BMPER: variants seen among roughly 807,000 people sequenced by gnomAD.
The protein encoded by BMPER is BMP binding endothelial regulator, also known as BMP-binding endothelial regulator protein.
In BMPER, 45 loss-of-function variants were observed where a neutral mutation model predicts 87.3. The ratio of observed to expected loss-of-function variants is 0.52; its 90% CI spans 0.41 to 0.66. The LOEUF (loss-of-function observed/expected upper bound fraction) is 0.66. Among genes scored for constraint, BMPER ranks in the 30% least tolerant of loss-of-function variants. The pLI, the probability that BMPER is intolerant of heterozygous loss-of-function variation, is 0.00. For synonymous variants in BMPER, 326 were observed against 316.2 expected, an observed-to-expected ratio of 1.03 and a Z score of -0.33; for missense variants, 784 against 867.5, an observed-to-expected ratio of 0.90 and a Z score of 1.21.
chr7:33,954,727 G>A (rs565360833), intron 3 of BMPER, among the ~76,000 whole-genome samples: 1 of 152,284 alleles, frequency 6.6e-6, no homozygotes, highest in African/African-American at 2.4e-5. Flanking sequence ...TTCCACTACA[G>A]CTCCCATGAG....
intron 6 of BMPER, among the ~76,000 whole-genome samples, chr7:34,009,866 T>C (rs1325515592): frequency 3.9e-5 from 6 of 151,956 alleles, no homozygotes; most frequent in Admixed American, 2.6e-4. Context: ...TGTGATTCTG[T>C]GTTGACTAGC....
intron 6 of BMPER, among the ~76,000 whole-genome samples, chr7:34,008,489 GT>G (rs1219979997): frequency 6.6e-6 from 1 of 150,906 alleles, no homozygotes; most frequent in East Asian, 2.0e-4. Context: ...TATTTTGATG[GT>G]TTTACATTAA....
intron 6 of BMPER, among the ~76,000 whole-genome samples, chr7:34,039,758 GT>G (rs1489443317): frequency 1.3e-5 from 2 of 151,990 alleles, no homozygotes; most frequent in Non-Finnish European, 2.9e-5. Context: ...CTCTGTTAAT[GT>G]TTTTAAAGTA....
At chr7:34,092,002 AC>A (rs1734580009) in intron 13 of BMPER, among the ~76,000 whole-genome samples, 1 of 151,992 alleles carries the variant, frequency 6.6e-6, no homozygotes, top group South Asian at 2.1e-4. Context: ...ACCCAGCACC[AC>A]CCATAGAAGG....
chr7:33,979,096 T>C (rs754052582), intron 6 of BMPER, among the ~76,000 whole-genome samples: 163 of 152,232 alleles, frequency 1.1e-3, no homozygotes, highest in Non-Finnish European at 5.3e-4. Flanking sequence ...TGCATAAGTG[T>C]CCATATATAT....
intron 6 of BMPER, among the ~76,000 whole-genome samples, chr7:34,000,576 C>T (rs1456192789): frequency 2.0e-5 from 3 of 152,064 alleles, no homozygotes; most frequent in African/African-American, 7.2e-5. Flanking sequence ...GTCTCTCTCT[C>T]TTCCTCTCTT....
chr7:34,029,946 C>T (rs1391430583), intron 6 of BMPER, among the ~76,000 whole-genome samples: 2 of 151,866 alleles, frequency 1.3e-5, no homozygotes, highest in African/African-American at 4.8e-5. Context: ...GGTAGGGTGA[C>T]CTGGTTTATA....
chr7:34,094,901 TC>T (rs1316019114), intron 13 of BMPER, among the ~76,000 whole-genome samples: 1 of 152,222 alleles, frequency 6.6e-6, no homozygotes, highest in Non-Finnish European at 1.5e-5. Context: ...CTTCAGAACG[TC>T]CTATGCCATC....
chr7:33,936,852 T>C (rs368180205), intron 2 of BMPER, among the ~76,000 whole-genome samples: 61 of 152,350 alleles, frequency 4.0e-4, no homozygotes, highest in Middle Eastern at 6.8e-3. Context: ...TTTAATGCAC[T>C]CTACTATTAA....
intron 3 of BMPER, among the ~76,000 whole-genome samples, chr7:33,945,157 C>T (rs58260488): frequency 6.6e-6 from 1 of 151,292 alleles, no homozygotes; most frequent in East Asian, 2.0e-4. Flanking sequence ...TAGCCAGGAT[C>T]GTCTCGATCT....
intron 13 of BMPER, among the ~76,000 whole-genome samples, chr7:34,094,304 C>T (rs903464784): frequency 2.0e-5 from 3 of 152,172 alleles, no homozygotes; most frequent in Non-Finnish European, 2.9e-5. Flanking sequence ...GGGCAGACAG[C>T]TATGCATGAG....
intron 13 of BMPER, among the ~76,000 whole-genome samples, chr7:34,138,777 G>A (rs1338781873): frequency 6.6e-6 from 1 of 152,186 alleles, no homozygotes; most frequent in Non-Finnish European, 1.5e-5. Flanking sequence ...AATGCAACCT[G>A]TGTTTTCCCA....
intron 6 of BMPER, among the ~76,000 whole-genome samples, chr7:33,979,113 A>G (rs1785771758): frequency 1.3e-5 from 2 of 152,150 alleles, no homozygotes; most frequent in Non-Finnish European, 2.9e-5. Flanking sequence ...ATATGCACGT[A>G]AACATCTATA....
chr7:33,956,527 G>GT (rs1168405373), intron 3 of BMPER, among the ~76,000 whole-genome samples: 2 of 151,942 alleles, frequency 1.3e-5, no homozygotes, highest in Non-Finnish European at 2.9e-5. Context: ...TTCAATAAAA[G>GT]TTATACCCAA....
chr7:34,002,480 G>A (rs1447896168), intron 6 of BMPER, among the ~76,000 whole-genome samples: 1 of 151,664 alleles, frequency 6.6e-6, no homozygotes, highest in South Asian at 2.1e-4. Context: ...ACTTATGATT[G>A]CTTTAGTGGG....
intron 6 of BMPER, among the ~76,000 whole-genome samples, chr7:34,040,454 A>G (rs1401187259): frequency 1.3e-5 from 2 of 152,178 alleles, no homozygotes; most frequent in Non-Finnish European, 2.9e-5. Context: ...CGACTGAGAC[A>G]TAGTTGCAGC....
intron 13 of BMPER, among the ~76,000 whole-genome samples, chr7:34,089,449 G>C: frequency 6.6e-6 from 1 of 151,930 alleles, no homozygotes; most frequent in East Asian, 1.9e-4. Flanking sequence ...TCTGAATTAG[G>C]TTTTACTTTT....
At chr7:33,975,754 G>A (rs1392387496) in intron 6 of BMPER, among the ~76,000 whole-genome samples, 1 of 152,156 alleles carries the variant, frequency 6.6e-6, no homozygotes, top group Non-Finnish European at 1.5e-5. Flanking sequence ...GGGAACTCTA[G>A]CATGCTAATT....
At chr7:33,966,277 T>C (rs1562657007) in intron 3 of BMPER, among the ~76,000 whole-genome samples, 1 of 152,198 alleles carries the variant, frequency 6.6e-6, no homozygotes, top group Non-Finnish European at 1.5e-5. Context: ...ATCTTCTCAG[T>C]AGTCAATGAA....
Sources: allele counts gnomAD v4.1 joint callset (sites outside exome capture counted in the v4.1 genomes callset), GRCh38; gene constraint gnomAD v4.1.1; transcripts MANE v1.5; gene names NCBI Gene and HGNC (gene_info 2026-07-23, HGNC 2026-07-21).